GK5: variants seen among roughly 807,000 people sequenced by gnomAD.
GK5 encodes the protein ATP:glycerol 3-phosphotransferase 5.
A neutral mutation model predicts 77.3 loss-of-function variants in GK5; 39 were observed. That is an observed-to-expected ratio of 0.50 (90% CI 0.39 to 0.66). The LOEUF is 0.66. Among genes scored for constraint, GK5 ranks in the 30% least tolerant of loss-of-function variants. GK5 has a pLI of 0.00. For synonymous variants in GK5, 211 were observed against 208.0 expected (o/e 1.01, Z -0.13); for missense variants, 487 against 633.8 (o/e 0.77, Z 2.49).
At chr3:142,184,965 T>C (rs1321036198) in intron 9 of GK5, 1 of 985,394 alleles carries the variant, frequency 1.0e-6, no homozygotes, top group Non-Finnish European at 1.2e-6. Flanking sequence ...CGATCCTCTC[T>C]AAATGATAAT....
intron 11 of GK5, 37 bp from the exon 12 acceptor site, chr3:142,177,613 A>C (rs906481859): frequency 1.1e-5 from 14 of 1,263,130 alleles, no homozygotes; most frequent in Non-Finnish European, 1.5e-5. Context: ...ACCCTAAAAC[A>C]AAATGAAGAG....
chr3:142,185,448 T>A, intron 9 of GK5: 1 of 967,444 alleles, frequency 1.0e-6, no homozygotes, highest in Non-Finnish European at 1.2e-6. Flanking sequence ...GGCAAATATT[T>A]CATTATTCTA....
At chr3:142,207,813 T>C (rs1347834559) in intron 3 of GK5, among the ~76,000 whole-genome samples, 1 of 152,232 alleles carries the variant, frequency 6.6e-6, no homozygotes, top group Admixed American at 6.5e-5. Flanking sequence ...AGCCCCGTTG[T>C]ATTGCGGGCT....
chr3:142,183,927 A>G (rs1381435405), intron 9 of GK5, among the ~76,000 whole-genome samples: 3 of 152,026 alleles, frequency 2.0e-5, no homozygotes, highest in Non-Finnish European at 4.4e-5. Context: ...TGGGTAACCT[A>G]CTTCACGACT....
intron 3 of GK5, among the ~76,000 whole-genome samples, chr3:142,210,726 T>C (rs139945421): frequency 0.011 from 1,632 of 152,324 alleles, 23 homozygotes; most frequent in Middle Eastern, 0.095. Flanking sequence ...GTAAGGAAAG[T>C]GAACTGTCTT....
chr3:142,178,105 G>A lies in GK5; in HGVS notation c.1049-529C>T, dbSNP rs536658297. Among the ~76,000 whole-genome samples, 27 of 152,134 alleles carry A rather than the reference G, an allele frequency of 1.8e-4. No homozygotes were observed. In the South Asian group the frequency reaches 4.1e-3, roughly 23 times the overall value. On this transcript the variant is annotated intron_variant, in intron 11 of 15. Transcript: ENST00000392993. The stretch of plus-strand genomic sequence containing the variant: ...ACTCCTGACCTCAGGTGATTCGCCC[G>A]CCTCAGCCTCCCAAAGTGCTGGGAA...
chr3:142,174,387 G>T (rs2063580124), intron 12 of GK5, among the ~76,000 whole-genome samples: 2 of 152,088 alleles, frequency 1.3e-5, no homozygotes, highest in Admixed American at 1.3e-4. Flanking sequence ...AGTAAATCTG[G>T]TTTATATCAG....
In GK5 at chr3:142,165,704, T is replaced by C; in HGVS notation, c.1508A>G (p.Lys503Arg). 1 of 1,613,378 alleles carries C rather than the reference T, an allele frequency of 6.2e-7. No individual in the cohort carries two copies. The highest frequency in any genetic ancestry group is 8.5e-7 in the Non-Finnish European group (1 of 1,179,462). The change falls in exon 16 of 16, where the codon AAG (lysine) becomes AGG (arginine). Residue 503 changes from lysine to arginine, a missense_variant. Lys to Arg is a conservative substitution (Grantham distance 26). Coordinates refer to ENST00000392993, the MANE Select transcript of GK5 (RefSeq NM_001039547.3). ...ACTCATTTCATATTCTTGACATTTC[T>C]TCTGTGGCTTGAAAACCACTTCACT... ...RQSEVVFKPQ[K>R]KCQEYEMSLE...
At position 142,199,769 on chromosome 3, in the gene GK5, A is replaced by G. The variant is rs1011998364; in HGVS notation, c.412-836T>C. Reference sequence around the variant, plus strand: ...TTTAAGGTCTTTAAGACATACTAGGAAAAAAAAAAAAACCCTATCCTGCCA... The same window carrying G: ...TTTAAGGTCTTTAAGACATACTAGGGAAAAAAAAAAAACCCTATCCTGCCA... On this transcript the variant is annotated intron_variant, in intron 4 of 15. Transcript: ENST00000392993. 2.8e-5 allele frequency among the ~76,000 whole-genome samples: 4 copies of G among 143,312 alleles called. No individual in the cohort carries two copies. In the East Asian group the frequency reaches 6.0e-4, roughly 22 times the overall value. 94.0% of individuals were successfully genotyped at this position (143,312 alleles called of 152,430 possible).
In GK5 at chr3:142,186,216, GGA is replaced by G; in HGVS notation, c.731_732del (p.Leu244ProfsTer16). Reference sequence around the variant, plus strand: ...TACCTTGTGTCCCTCACAGGAGGTAGGAGAGAAAGTGGTATCGAAATTAGAGA... The same window carrying G: ...TACCTTGTGTCCCTCACAGGAGGTAGGAGAAAGTGGTATCGAAATTAGAGA... ...ITSLISIPLS[L>X]LPPVRDTSHN... On this transcript the variant is annotated frameshift_variant, in exon 8 of 16. Coordinates refer to ENST00000392993, the MANE Select transcript of GK5 (RefSeq NM_001039547.3). LOFTEE classifies it high-confidence loss of function. 1.3e-6 allele frequency: 2 copies of G among 1,599,120 alleles called. No homozygotes were observed. Among genetic ancestry groups the G allele is most frequent in the Non-Finnish European group, 1.7e-6 (2 of 1,166,502 alleles).
chr3:142,181,116 T>C (rs1173881004), intron 11 of GK5, among the ~76,000 whole-genome samples: 2 of 152,222 alleles, frequency 1.3e-5, no homozygotes, highest in African/African-American at 4.8e-5. Context: ...ATACCTGTAC[T>C]TCGGTCCTTT....
chr3:142,205,189 T>C (rs370947996), intron 3 of GK5, among the ~76,000 whole-genome samples: 1 of 152,348 alleles, frequency 6.6e-6, no homozygotes, highest in Admixed American at 6.5e-5. Context: ...CTGTTAACTT[T>C]AGGATTGGCT....
chr3:142,162,798 C>G lies in GK5; in HGVS notation c.*2824G>C, dbSNP rs1030511022. ...GGGTCACAAGGTCAGGAGTTTGAGA[C>G]CAGCCTGGCCAACATGGTAAAACCC... is the stretch of plus-strand genomic sequence containing the variant. On this transcript the variant is annotated 3_prime_UTR_variant, in exon 16 of 16. Transcript: ENST00000392993. 2 of 152,086 alleles carry G rather than the reference C, an allele frequency of 1.3e-5. No homozygotes were observed. Among genetic ancestry groups the G allele is most frequent in the Non-Finnish European group, 2.9e-5 (2 of 68,038 alleles). 9.4% of individuals were successfully genotyped at this position (152,086 alleles called of 1,614,324 possible).
At chr3:142,223,979 T>C (rs1196966938) in intron 1 of GK5, among the ~76,000 whole-genome samples, 1 of 152,014 alleles carries the variant, frequency 6.6e-6, no homozygotes, top group Non-Finnish European at 1.5e-5. Context: ...TCTAAGGTGG[T>C]GGGAAGAAGA....
chr3:142,185,398 G>C lies in GK5; in HGVS notation c.816+531C>G, dbSNP rs893944887. On this transcript the variant is annotated intron_variant, in intron 9 of 15. Transcript: ENST00000392993. ...ACTGCACTCCAGCCTGAGTGACAGA[G>C]TGAGACCCTGTCTCAAAAAAAAAAA... The C allele has an allele frequency of 4.2e-6, 3 of 707,704 alleles. No individual in the cohort carries two copies. In the African/African-American group the frequency reaches 6.6e-5, roughly 16 times the overall value. 43.8% of individuals were successfully genotyped at this position (707,704 alleles called of 1,614,324 possible).
At chr3:142,189,352 A>T (rs1250618128) in intron 5 of GK5, among the ~76,000 whole-genome samples, 1 of 152,248 alleles carries the variant, frequency 6.6e-6, no homozygotes, top group East Asian at 1.9e-4. Flanking sequence ...AAACGAGGTC[A>T]TTTGTAGGTT....
intron 9 of GK5, chr3:142,183,350 G>T: frequency 5.3e-6 from 1 of 188,714 alleles, no homozygotes; most frequent in Non-Finnish European, 1.1e-5. Context: ...AGGCTAGAGT[G>T]CAGTAAGATC....
At chr3:142,212,902 C>T (rs576494845) in intron 3 of GK5, among the ~76,000 whole-genome samples, 5 of 137,918 alleles carry the variant, frequency 3.6e-5, no homozygotes, top group East Asian at 4.1e-4. Context: ...GGCGCAATCT[C>T]GGCTCACTGC....
Position 142,215,607 on chromosome 3 carries a change from G to A in GK5, c.233C>T (p.Ala78Val). The A allele has an allele frequency of 6.5e-7, 1 of 1,538,926 alleles. No individual in the cohort carries two copies. The highest frequency in any genetic ancestry group is 9.0e-7 in the Non-Finnish European group (1 of 1,116,334). ...TTTATAAATCCAATTACCTTTGACT[G>A]CTTCTTTTATTACGGCAACAAATTG... Reference protein sequence around the residue: ...WIQFVAVIKEAVKAAGIQMNQ... With the variant: ...WIQFVAVIKEVVKAAGIQMNQ... The change falls in exon 2 of 16, where the codon GCA becomes GTA. Residue 78 changes from alanine (A) to valine (V), a missense_variant. Physicochemically the swap from Ala to Val is moderately conservative, Grantham distance 64. This residue lies in a region of GK5 where 323 missense variants were observed against 437.4 expected (regional missense o/e 0.74). Coordinates refer to ENST00000392993, the MANE Select transcript of GK5 (RefSeq NM_001039547.3).
Sources: allele counts gnomAD v4.1 joint callset (sites outside exome capture counted in the v4.1 genomes callset), GRCh38; gene constraint gnomAD v4.1.1; regional missense constraint gnomAD v4.1.1; transcripts MANE v1.5; gene names NCBI Gene and HGNC (gene_info 2026-07-23, HGNC 2026-07-21).